CDYL2: variants seen among roughly 807,000 people sequenced by gnomAD.
CDYL2 encodes the protein chromodomain Y like 2.
CDYL2 carries 23 observed loss-of-function variants against 49.4 expected under a neutral mutation model. The ratio of observed to expected loss-of-function variants is 0.47; its 90% CI spans 0.34 to 0.66. The LOEUF (loss-of-function observed/expected upper bound fraction) is 0.66. CDYL2 is among the 30% of genes least tolerant of loss of function. The pLI is 0.01. For missense variants in CDYL2, 678 were observed against 656.4 expected (o/e 1.03, Z -0.36); for synonymous variants, 360 against 268.8 (o/e 1.34, Z -3.32).
At position 80,684,524 on chromosome 16, in the gene CDYL2, G is replaced by A; in HGVS notation, c.616+14C>T. ...TGGCCAGAGCCAAACCCAAGAGAAA[G>A]AAAAGCTACAAACCGAGCCCGTTCT... is the stretch of plus-strand genomic sequence containing the variant. On this transcript the variant is annotated intron_variant, in intron 2 of 6. Coordinates refer to ENST00000570137, the MANE Select transcript of CDYL2 (RefSeq NM_152342.4). 1 of 1,602,856 alleles carries A rather than the reference G, an allele frequency of 6.2e-7. No homozygotes were observed. The highest frequency in any genetic ancestry group is 8.5e-7 in the Non-Finnish European group (1 of 1,173,344).
At chr16:80,697,597 A>G (rs1027482978) in intron 1 of CDYL2, among the ~76,000 whole-genome samples, 1 of 152,178 alleles carries the variant, frequency 6.6e-6, no homozygotes, top group Admixed American at 6.5e-5. Context: ...TAAAGAAATA[A>G]GGGGCATGCA....
rs997625402 is a variant in CDYL2, at chr16:80,804,254, TGCGCGTGTGTGTGC to T, written c.-95_-82del. ...GTGCGTGTGCGCGCGGGGTCCGGTG[TGCGCGTGTGTGTGC>T]GCGCGTGTGTGTGCGAGTGTGTGTG... On this transcript the variant is annotated 5_prime_UTR_variant, in exon 1 of 7. Coordinates refer to ENST00000570137, the MANE Select transcript of CDYL2 (RefSeq NM_152342.4). 48 of 1,248,280 alleles carry T rather than the reference TGCGCGTGTGTGTGC, an allele frequency of 3.8e-5. No homozygotes were observed. The highest frequency in any genetic ancestry group is 1.3e-4 in the East Asian group (3 of 23,336). The allele number at this position is 1,248,280 out of a possible 1,614,324, so 77.3% of individuals were successfully genotyped here.
intron 3 of CDYL2, among the ~76,000 whole-genome samples, chr16:80,621,419 C>A (rs1907079418): frequency 1.3e-5 from 2 of 152,212 alleles, no homozygotes. Flanking sequence ...TGCCACATGG[C>A]AAGTGGGCTT....
intron 1 of CDYL2, among the ~76,000 whole-genome samples, chr16:80,794,025 T>C (rs1471558310): frequency 2.0e-5 from 3 of 152,214 alleles, no homozygotes; most frequent in Admixed American, 2.0e-4. Flanking sequence ...TCTTGGAATC[T>C]CAGGATATTC....
At chr16:80,623,559 G>A (rs1048498798) in intron 3 of CDYL2, among the ~76,000 whole-genome samples, 10 of 152,214 alleles carry the variant, frequency 6.6e-5, no homozygotes, top group African/African-American at 2.4e-4. Context: ...TTGGACCCCA[G>A]CCCAGACCGA....
rs191385980 is a variant in CDYL2, at chr16:80,757,634, T to C, written c.24+46516A>G. On this transcript the variant is annotated intron_variant, in intron 1 of 6. Coordinates refer to ENST00000570137, the MANE Select transcript of CDYL2 (RefSeq NM_152342.4). ...TCAAAATATTTGCCATTTTGATAAA[T>C]ATTTGATATCTATATATTTATTTGA... is the stretch of plus-strand genomic sequence containing the variant. Among the ~76,000 whole-genome samples the C allele has an allele frequency of 1.4e-4, 21 of 151,646 alleles. No individual in the cohort carries two copies. The East Asian group carries it at 3.9e-3, about 28-fold the overall frequency.
At position 80,642,428 on chromosome 16, in the gene CDYL2, G is replaced by C. The variant is rs187343297; in HGVS notation, c.617-9192C>G. 3.1e-3 allele frequency among the ~76,000 whole-genome samples: 479 copies of C among 152,242 alleles called. 4 individuals carry two copies. The highest frequency in any genetic ancestry group is 0.011 in the African/African-American group (454 of 41,532). On this transcript the variant is annotated intron_variant, in intron 2 of 6. Coordinates refer to ENST00000570137, the MANE Select transcript of CDYL2 (RefSeq NM_152342.4). ...CTGCAGTCTAGCCTGGGTTAACGGA[G>C]CGAGACTCCATCTAAAAAAAATTAT...
intron 1 of CDYL2, among the ~76,000 whole-genome samples, chr16:80,796,521 G>A (rs934889672): frequency 2.6e-5 from 4 of 152,118 alleles, no homozygotes; most frequent in South Asian, 2.1e-4. Context: ...ACTCCATTAC[G>A]TATGTTCTAC....
At chr16:80,614,443 C>A (rs1372351235) in intron 4 of CDYL2, among the ~76,000 whole-genome samples, 1 of 152,218 alleles carries the variant, frequency 6.6e-6, no homozygotes, top group Non-Finnish European at 1.5e-5. Context: ...TGGAAGAAGT[C>A]TAGGTTCCTG....
At chr16:80,724,803 C>G (rs1287254883) in intron 1 of CDYL2, among the ~76,000 whole-genome samples, 1 of 152,224 alleles carries the variant, frequency 6.6e-6, no homozygotes, top group African/African-American at 2.4e-5. Flanking sequence ...CACCAAACCT[C>G]TCACCCAGAC....
intron 1 of CDYL2, among the ~76,000 whole-genome samples, chr16:80,728,160 G>A (rs1597102727): frequency 6.6e-6 from 1 of 151,992 alleles, no homozygotes; most frequent in South Asian, 2.1e-4. Flanking sequence ...AGCTACAGGA[G>A]GAAATTCAAA....
chr16:80,693,004 A>G (rs1317175052), intron 1 of CDYL2, among the ~76,000 whole-genome samples: 2 of 152,168 alleles, frequency 1.3e-5, no homozygotes, highest in African/African-American at 4.8e-5. Flanking sequence ...GGAATGACAC[A>G]CACAACAATT....
intron 1 of CDYL2, among the ~76,000 whole-genome samples, chr16:80,700,256 A>C (rs1348801429): frequency 6.6e-6 from 1 of 152,260 alleles, no homozygotes; most frequent in Non-Finnish European, 1.5e-5. Context: ...AGAACATATC[A>C]AACACAAAAA....
At chr16:80,624,346 G>T (rs140347895) in intron 3 of CDYL2, among the ~76,000 whole-genome samples, 1 of 152,276 alleles carries the variant, frequency 6.6e-6, no homozygotes, top group Admixed American at 6.5e-5. Flanking sequence ...CCCATGAGAA[G>T]CTAAAACTCC....
In CDYL2 at chr16:80,608,039, G is replaced by A. The variant is rs9940376; in HGVS notation, c.1362+53C>T. The A allele has an allele frequency of 4.6e-6, 7 of 1,510,848 alleles. No individual in the cohort carries two copies. In the Admixed American group the frequency reaches 1.3e-4, roughly 27 times the overall value. 93.6% of individuals were successfully genotyped at this position (1,510,848 alleles called of 1,614,324 possible). A position where few individuals can be genotyped will look rare whatever the true frequency, so the allele number is the denominator to read the frequency against. On this transcript the variant is annotated intron_variant, in intron 6 of 6. Transcript: ENST00000570137. ...GCCCTCTGAGCCTTGCTGTCTTCAT[G>A]TGTAAAATGGGTCTATCAAAAGGAC...
At chr16:80,720,089 T>C (rs931607638) in intron 1 of CDYL2, among the ~76,000 whole-genome samples, 3 of 152,120 alleles carry the variant, frequency 2.0e-5, no homozygotes, top group Non-Finnish European at 2.9e-5. Flanking sequence ...TAGGCAGAAA[T>C]GGGCAGGTAG....
intron 1 of CDYL2, among the ~76,000 whole-genome samples, chr16:80,781,045 C>A (rs905228820): frequency 6.6e-5 from 10 of 152,092 alleles, no homozygotes; most frequent in African/African-American, 2.4e-4. Context: ...TGTGGTAAAG[C>A]CCAGAAATAA....
chr16:80,666,981 T>C (rs144721858), intron 2 of CDYL2, among the ~76,000 whole-genome samples: 2 of 152,316 alleles, frequency 1.3e-5, no homozygotes, highest in Non-Finnish European at 2.9e-5. Flanking sequence ...AGGCAGAGAT[T>C]ACCCGAATAA....
intron 1 of CDYL2, among the ~76,000 whole-genome samples, chr16:80,784,531 T>C (rs7192327): frequency 0.32 from 48,985 of 151,912 alleles, 9,688 homozygotes; most frequent in African/African-American, 0.56. Flanking sequence ...AGAACATCCA[T>C]GAGAGAAAAC....
Sources: allele counts gnomAD v4.1 joint callset (sites outside exome capture counted in the v4.1 genomes callset), GRCh38; gene constraint gnomAD v4.1.1; transcripts MANE v1.5; gene names NCBI Gene and HGNC (gene_info 2026-07-23, HGNC 2026-07-21).